The following SNX29 variants were observed in gnomAD, a reference collection of about 807,000 sequenced individuals.
SNX29 encodes the protein sorting nexin-29.
A neutral mutation model predicts 102.1 loss-of-function variants in SNX29; 78 were observed. The observed-to-expected ratio is 0.76, with a 90% CI of 0.64 to 0.92. SNX29 has a LOEUF of 0.92. Among genes scored for constraint, SNX29 ranks in the 40% least tolerant of loss-of-function variants. The pLI, the probability that SNX29 is intolerant of heterozygous loss-of-function variation, is 0.00. For synonymous variants in SNX29, 580 were observed against 414.5 expected, an observed-to-expected ratio of 1.40 and a Z score of -4.85; for missense variants, 1,280 against 1,061.7, an observed-to-expected ratio of 1.21 and a Z score of -2.86.
At chr16:12,184,139 C>G (rs1336334307) in intron 13 of SNX29, among the ~76,000 whole-genome samples, 1 of 152,204 alleles carries the variant, frequency 6.6e-6, no homozygotes, top group African/African-American at 2.4e-5. Flanking sequence ...AGAACCCTCT[C>G]TTGGGGTCTG....
intron 3 of SNX29, among the ~76,000 whole-genome samples, chr16:12,024,252 C>T (rs914217740): frequency 6.6e-6 from 1 of 151,998 alleles, no homozygotes; most frequent in African/African-American, 2.4e-5. Flanking sequence ...GATGCTCCTG[C>T]CTCAGCCTCC....
In SNX29 at chr16:12,125,603, C is replaced by CTTTTTTTTTT. The variant is rs1273937330; in HGVS notation, c.1403-1029_1403-1028insTTTTTTTTTT. 1.1e-4 allele frequency among the ~76,000 whole-genome samples: 8 copies of CTTTTTTTTTT among 71,496 alleles called. 3 individuals are homozygous for CTTTTTTTTTT. Among genetic ancestry groups the CTTTTTTTTTT allele is most frequent in the African/African-American group, 1.1e-4 (2 of 18,864 alleles). The allele number at this position is 71,496 out of a possible 152,430, so 46.9% of individuals were successfully genotyped here. On this transcript the variant is annotated intron_variant, in intron 11 of 20. Coordinates refer to ENST00000566228, the MANE Select transcript of SNX29 (RefSeq NM_032167.5). The stretch of plus-strand genomic sequence containing the variant: ...CAAGGGGGGCTTGTGGCTGAGATCT[C>CTTTTTTTTTT]TCTTTTTTTTTTTTTTTTTTTTTTT...
chr16:12,167,059 T>C (rs1306721154), intron 13 of SNX29, among the ~76,000 whole-genome samples: 1 of 152,228 alleles, frequency 6.6e-6, no homozygotes, highest in African/African-American at 2.4e-5. Context: ...ATGTCTTTTT[T>C]GCTTCCAAAG....
At chr16:12,085,948 A>T (rs201519606) in intron 11 of SNX29, among the ~76,000 whole-genome samples, 16 of 151,980 alleles carry the variant, frequency 1.1e-4, no homozygotes, top group Non-Finnish European at 1.5e-5. Flanking sequence ...TAGCTATAGT[A>T]AGTGGTGAAT....
In SNX29 at chr16:12,570,727, C is replaced by T. The variant is rs1354217551; in HGVS notation, c.*2098C>T. The T allele has an allele frequency of 4.3e-6, 1 of 232,430 alleles. No individual in the cohort carries two copies. Among genetic ancestry groups the T allele is most frequent in the Non-Finnish European group, 8.5e-6 (1 of 117,570 alleles). 14.4% of individuals were successfully genotyped at this position (232,430 alleles called of 1,614,324 possible). A position where few individuals can be genotyped will look rare whatever the true frequency, so the allele number is the denominator to read the frequency against. On this transcript the variant is annotated 3_prime_UTR_variant, in exon 21 of 21. Transcript: ENST00000566228. ...AAGCACAGGATGTGAATTGGTCTCTCTCCAGATACCCCACGAGGAAGCACC... is the reference window on the plus strand; with the variant it reads ...AAGCACAGGATGTGAATTGGTCTCTTTCCAGATACCCCACGAGGAAGCACC...
chr16:12,330,677 T>C (rs897359308), intron 15 of SNX29, among the ~76,000 whole-genome samples: 1 of 152,222 alleles, frequency 6.6e-6, no homozygotes, highest in Non-Finnish European at 1.5e-5. Flanking sequence ...CCCTGGTTCT[T>C]AACCAGCACG....
chr16:12,197,377 C>T (rs1271008224), intron 13 of SNX29, among the ~76,000 whole-genome samples: 1 of 151,946 alleles, frequency 6.6e-6, no homozygotes, highest in African/African-American at 2.4e-5. Context: ...CAAGACCAGC[C>T]TGGCCAACAT....
chr16:12,423,585 T>C (rs2084948576), intron 18 of SNX29, among the ~76,000 whole-genome samples: 1 of 152,086 alleles, frequency 6.6e-6, no homozygotes, highest in African/African-American at 2.4e-5. Flanking sequence ...TTCTTCTTCT[T>C]CTCGAGATGG....
rs116469954 is a variant in SNX29, at chr16:12,572,050, C to T, written c.*3421C>T. On this transcript the variant is annotated 3_prime_UTR_variant, in exon 21 of 21. Transcript: ENST00000566228. ...AGGGATCATCCAGTGGAGTTGTAAACAAGGGAACCATCTTGCAAGATCTAG... is the reference window on the plus strand; with the variant it reads ...AGGGATCATCCAGTGGAGTTGTAAATAAGGGAACCATCTTGCAAGATCTAG... The T allele has an allele frequency of 9.4e-4, 1,004 of 1,063,560 alleles. 3 individuals are homozygous for T. In the African/African-American group the frequency reaches 0.013, roughly 14 times the overall value. 65.9% of individuals were successfully genotyped at this position (1,063,560 alleles called of 1,614,324 possible). A position where few individuals can be genotyped will look rare whatever the true frequency, so the allele number is the denominator to read the frequency against.
intron 14 of SNX29, among the ~76,000 whole-genome samples, chr16:12,270,564 G>A (rs1243861670): frequency 6.6e-6 from 1 of 152,192 alleles, no homozygotes; most frequent in African/African-American, 2.4e-5. Flanking sequence ...GCAGTTGAGA[G>A]ATGGGAGATG....
chr16:12,092,787 G>A (rs995752201), intron 11 of SNX29, among the ~76,000 whole-genome samples: 13 of 152,194 alleles, frequency 8.5e-5, no homozygotes, highest in Non-Finnish European at 1.6e-4. Flanking sequence ...GCCTGACCTC[G>A]TTAGTTTCTT....
chr16:12,143,447 C>T (rs868852860), intron 13 of SNX29, among the ~76,000 whole-genome samples: 23 of 152,244 alleles, frequency 1.5e-4, no homozygotes, highest in African/African-American at 5.5e-4. Context: ...AGTGAGGCAC[C>T]TACGCTGCTT....
chr16:11,983,959 T>C (rs1165388138), intron 1 of SNX29, among the ~76,000 whole-genome samples: 1 of 152,192 alleles, frequency 6.6e-6, no homozygotes, highest in Non-Finnish European at 1.5e-5. Context: ...GATAGGCATA[T>C]AGTACATAAA....
intron 16 of SNX29, among the ~76,000 whole-genome samples, chr16:12,365,000 A>G (rs1001182761): frequency 1.3e-5 from 2 of 151,938 alleles, no homozygotes; most frequent in African/African-American, 2.4e-5. Context: ...CAGTCCTTAT[A>G]ATTTTCTTAT....
chr16:12,360,467 C>G (rs2082269910), intron 16 of SNX29, among the ~76,000 whole-genome samples: 1 of 152,188 alleles, frequency 6.6e-6, no homozygotes, highest in African/African-American at 2.4e-5. Context: ...TGGTCATTCA[C>G]TCTGGAGGCT....
At chr16:12,228,519 TA>T (rs2142175294) in intron 14 of SNX29, among the ~76,000 whole-genome samples, 1 of 152,362 alleles carries the variant, frequency 6.6e-6, no homozygotes, top group Non-Finnish European at 1.5e-5. Flanking sequence ...AGCTTTCTTT[TA>T]AAACTACAAA....
intron 15 of SNX29, among the ~76,000 whole-genome samples, chr16:12,338,101 T>G (rs2081506003): frequency 6.6e-6 from 1 of 152,186 alleles, no homozygotes; most frequent in Admixed American, 6.5e-5. Flanking sequence ...ATAAGTAGAT[T>G]TCTACCTAAT....
chr16:12,193,428 C>T (rs1472954083), intron 13 of SNX29, among the ~76,000 whole-genome samples: 1 of 149,884 alleles, frequency 6.7e-6, no homozygotes, highest in East Asian at 2.0e-4. Context: ...GAGATCGCAC[C>T]ACTGCACTCC....
At chr16:12,403,854 G>A (rs189280386) in intron 18 of SNX29, among the ~76,000 whole-genome samples, 2 of 152,318 alleles carry the variant, frequency 1.3e-5, no homozygotes, top group East Asian at 3.9e-4. Flanking sequence ...TCGGGCCTTG[G>A]GCATGGCTGG....
Sources: allele counts gnomAD v4.1 joint callset (sites outside exome capture counted in the v4.1 genomes callset), GRCh38; gene constraint gnomAD v4.1.1; transcripts MANE v1.5; gene names NCBI Gene and HGNC (gene_info 2026-07-23, HGNC 2026-07-21).